Variants in PRR16 observed in about 807,000 individuals in gnomAD.
PRR16 encodes proline rich 16.
PRR16 carries 6 observed loss-of-function variants against 18.2 expected under a neutral mutation model. The ratio of observed to expected loss-of-function variants is 0.33; its 90% CI spans 0.18 to 0.65. The LOEUF (loss-of-function observed/expected upper bound fraction) is 0.65, where lower values mean the gene tolerates loss of function less well. Among genes scored for constraint, PRR16 ranks in the 30% least tolerant of loss-of-function variants. PRR16 has a pLI of 0.74. For synonymous variants in PRR16, 151 were observed against 147.8 expected (o/e 1.02, Z -0.16); for missense variants, 412 against 376.6 (o/e 1.09, Z -0.78).
chr5:120,481,539 CT>C lies in PRR16; in HGVS notation c.159+16896del, dbSNP rs1246329466. Among the ~76,000 whole-genome samples the C allele has an allele frequency of 2.0e-5, 3 of 152,142 alleles. No individual in the cohort carries two copies. In the East Asian group the frequency reaches 5.8e-4, roughly 29 times the overall value. ...AAAATTATGGAAGTCTTTGGAAGAG[CT>C]TCTGTTTTTTGAAAAATAATACTGT... On this transcript the variant is annotated intron_variant, in intron 1 of 1. Transcript: ENST00000407149.
At chr5:120,704,590 T>C in the PRR16 span, among the ~76,000 whole-genome samples, 1 of 152,184 alleles carries the variant, frequency 6.6e-6, no homozygotes, top group Non-Finnish European at 1.5e-5. Flanking sequence ...TTGCTTTCCG[T>C]TATATACCAA....
At chr5:120,485,586 G>A (rs1397495342) in intron 1 of PRR16, among the ~76,000 whole-genome samples, 2 of 152,160 alleles carry the variant, frequency 1.3e-5, no homozygotes, top group Non-Finnish European at 2.9e-5. Flanking sequence ...ACAGTGAACT[G>A]TTCATAATGA....
chr5:120,715,757 C>A, the PRR16 span, among the ~76,000 whole-genome samples: 1 of 152,112 alleles, frequency 6.6e-6, no homozygotes, highest in Admixed American at 6.6e-5. Context: ...TCAGGAGATA[C>A]ACTATATTTG....
chr5:120,620,810 A>C (rs1310641603), intron 1 of PRR16, among the ~76,000 whole-genome samples: 1 of 151,978 alleles, frequency 6.6e-6, no homozygotes, highest in Non-Finnish European at 1.5e-5. Context: ...TGCTGATCTC[A>C]TCCAGCCCAT....
At chr5:120,664,965 T>C (rs1410302788) in intron 1 of PRR16, among the ~76,000 whole-genome samples, 2 of 152,020 alleles carry the variant, frequency 1.3e-5, no homozygotes, top group Non-Finnish European at 2.9e-5. Context: ...CCTTTGGGTA[T>C]ATACCCAGTA....
chr5:120,709,090 C>G, the PRR16 span, among the ~76,000 whole-genome samples: 1 of 145,026 alleles, frequency 6.9e-6, no homozygotes, highest in Non-Finnish European at 1.5e-5. Flanking sequence ...TCACTGCAAG[C>G]TCCAGCTCCT....
chr5:120,664,329 G>A (rs1398879569), intron 1 of PRR16, among the ~76,000 whole-genome samples: 2 of 126,694 alleles, frequency 1.6e-5, no homozygotes, highest in East Asian at 3.2e-4. Flanking sequence ...AAAACAAAAT[G>A]TACAAATCCT....
At chr5:120,479,508 C>T (rs1749543800) in intron 1 of PRR16, among the ~76,000 whole-genome samples, 1 of 151,878 alleles carries the variant, frequency 6.6e-6, no homozygotes. Context: ...ATTAAATAAG[C>T]TAATGAGATC....
At chr5:120,586,412 G>C (rs1476515170) in intron 1 of PRR16, among the ~76,000 whole-genome samples, 1 of 151,904 alleles carries the variant, frequency 6.6e-6, no homozygotes, top group African/African-American at 2.4e-5. Flanking sequence ...TCACTTTTTT[G>C]TGCTTCAGTT....
the PRR16 span, among the ~76,000 whole-genome samples, chr5:120,768,591 T>C: frequency 6.6e-6 from 1 of 151,652 alleles, no homozygotes; most frequent in Admixed American, 6.6e-5. Context: ...TACACTTTAC[T>C]CATCGTATTC....
At chr5:120,603,649 T>G (rs1007412919) in intron 1 of PRR16, among the ~76,000 whole-genome samples, 1 of 151,944 alleles carries the variant, frequency 6.6e-6, no homozygotes, top group African/African-American at 2.4e-5. Flanking sequence ...GGTGTGATGT[T>G]AGGTTAACTT....
intron 1 of PRR16, among the ~76,000 whole-genome samples, chr5:120,513,762 CTTT>C (rs1294799034): frequency 7.0e-6 from 1 of 142,110 alleles, no homozygotes; most frequent in African/African-American, 2.6e-5. Flanking sequence ...CATCTGTTTT[CTTT>C]TTTTTTTTTT....
chr5:120,595,802 G>A (rs1753781275), intron 1 of PRR16, among the ~76,000 whole-genome samples: 1 of 151,926 alleles, frequency 6.6e-6, no homozygotes, highest in South Asian at 2.1e-4. Context: ...TAAATACTTT[G>A]AAGAGTTTTG....
chr5:120,779,092 A>G, the PRR16 span, among the ~76,000 whole-genome samples: 2 of 152,112 alleles, frequency 1.3e-5, no homozygotes, highest in African/African-American at 4.8e-5. Flanking sequence ...ACTTAGTAAA[A>G]TATGCACACG....
chr5:120,744,805 G>T, the PRR16 span, among the ~76,000 whole-genome samples: 1 of 152,102 alleles, frequency 6.6e-6, no homozygotes, highest in Non-Finnish European at 1.5e-5. Context: ...GCTCGCCTCT[G>T]TGTGTGGTTT....
chr5:120,778,977 A>G, the PRR16 span, among the ~76,000 whole-genome samples: 3 of 152,152 alleles, frequency 2.0e-5, no homozygotes, highest in African/African-American at 4.8e-5. Flanking sequence ...TTAAACAAGG[A>G]GGAGGGAGAA....
intron 1 of PRR16, among the ~76,000 whole-genome samples, chr5:120,564,484 A>G (rs1172840995): frequency 4.3e-5 from 6 of 138,566 alleles, no homozygotes; most frequent in Admixed American, 2.2e-4. Flanking sequence ...AATGCTCCCT[A>G]CATGCAAGGG....
chr5:120,663,438 C>G (rs552499383), intron 1 of PRR16, among the ~76,000 whole-genome samples: 7 of 145,718 alleles, frequency 4.8e-5, no homozygotes, highest in African/African-American at 1.7e-4. Flanking sequence ...AAAGGTTGAA[C>G]AGGATACAAA....
At chr5:120,509,541 G>T (rs758199532) in intron 1 of PRR16, among the ~76,000 whole-genome samples, 22 of 152,024 alleles carry the variant, frequency 1.4e-4, no homozygotes, top group Admixed American at 1.3e-4. Context: ...TCTATCCATT[G>T]CCAGTTCCTT....
Sources: gnomAD v4.1 joint callset for allele counts (sites outside exome capture counted in the v4.1 genomes callset) on GRCh38, gnomAD v4.1.1 for gene constraint, MANE v1.5 for transcripts, NCBI Gene and HGNC (gene_info 2026-07-23, HGNC 2026-07-21) for gene names.